Variants in ITPR1 observed in about 807,000 individuals in gnomAD.
ITPR1 encodes the protein inositol 1,4,5-trisphosphate receptor type 1, also known as inositol 1,4,5-trisphosphate-gated calcium channel ITPR1.
Under a neutral mutation model 318.4 loss-of-function variants are expected in ITPR1, and 96 were observed. The ratio of observed to expected loss-of-function variants is 0.30; its 90% CI spans 0.26 to 0.36. The LOEUF (loss-of-function observed/expected upper bound fraction) is 0.36, where lower values mean the gene tolerates loss of function less well. ITPR1 is among the 10% of genes least tolerant of loss of function. The pLI is 1.00. For synonymous variants in ITPR1, 1,312 were observed against 1,289.9 expected, an observed-to-expected ratio of 1.02 and a Z score of -0.37; for missense variants, 2,440 against 3,460.2, an observed-to-expected ratio of 0.71 and a Z score of 7.40.
intron 7 of ITPR1, among the ~76,000 whole-genome samples, chr3:4,643,598 T>TGGG (rs36053326): frequency 6.7e-6 from 1 of 149,660 alleles, no homozygotes; most frequent in African/African-American, 2.5e-5. Context: ...ATTGTTTTTT[T>TGGG]GGGGGGGGGG....
chr3:4,586,237 C>T (rs916987892), intron 4 of ITPR1, among the ~76,000 whole-genome samples: 11 of 152,140 alleles, frequency 7.2e-5, no homozygotes, highest in African/African-American at 2.7e-4. Context: ...TACATGGTAA[C>T]ATGCACTTTT....
chr3:4,811,226 A>G (rs1242122726), intron 55 of ITPR1, 39 bp from the exon 56 acceptor site: 1 of 1,442,400 alleles, frequency 6.9e-7, no homozygotes, highest in Non-Finnish European at 9.3e-7. Flanking sequence ...TACATCTAAC[A>G]TCAAGGCTTC....
intron 20 of ITPR1, among the ~76,000 whole-genome samples, chr3:4,672,464 G>A (rs1431690127): frequency 6.6e-6 from 1 of 152,194 alleles, no homozygotes; most frequent in African/African-American, 2.4e-5. Flanking sequence ...TATTTTGAAA[G>A]CCTGTGGCTT....
At chr3:4,505,635 C>G (rs975844374) in intron 2 of ITPR1, among the ~76,000 whole-genome samples, 1 of 152,192 alleles carries the variant, frequency 6.6e-6, no homozygotes, top group Non-Finnish European at 1.5e-5. Flanking sequence ...GGCTGATGGA[C>G]TTGTTGTTGG....
At chr3:4,564,602 G>A (rs1417233598) in intron 4 of ITPR1, among the ~76,000 whole-genome samples, 1 of 152,170 alleles carries the variant, frequency 6.6e-6, no homozygotes, top group Admixed American at 6.5e-5. Flanking sequence ...AGGTGATTGG[G>A]ATTAGTGCCC....
At chr3:4,650,535 C>T (rs1272785395) in intron 10 of ITPR1, among the ~76,000 whole-genome samples, 1 of 151,924 alleles carries the variant, frequency 6.6e-6, no homozygotes, top group South Asian at 2.1e-4. Context: ...GCATCCTACC[C>T]CAACCTCAGC....
chr3:4,501,413 T>G (rs1401352923), intron 2 of ITPR1, among the ~76,000 whole-genome samples: 1 of 152,220 alleles, frequency 6.6e-6, no homozygotes, highest in Non-Finnish European at 1.5e-5. Context: ...GGGAACTTGC[T>G]AGCAATTGCA....
intron 44 of ITPR1, among the ~76,000 whole-genome samples, chr3:4,752,997 G>A (rs2044659790): frequency 6.6e-6 from 1 of 152,184 alleles, no homozygotes; most frequent in African/African-American, 2.4e-5. Context: ...AAGCAAACAG[G>A]CGCCACGAAG....
intron 60 of ITPR1, chr3:4,825,712 T>A: frequency 4.4e-6 from 2 of 456,568 alleles, no homozygotes; most frequent in Non-Finnish European, 8.8e-6. Context: ...TGTCACTACC[T>A]TCTGTTTAAA....
chr3:4,733,008 AC>A (rs2043032577), intron 42 of ITPR1, 79 bp from the exon 43 acceptor site: 1 of 1,395,822 alleles, frequency 7.2e-7, no homozygotes, highest in Non-Finnish European at 1.0e-6. Context: ...ATAACTGAGT[AC>A]CCCTGTGTGT....
At chr3:4,767,328 G>A (rs1459199113) in intron 45 of ITPR1, among the ~76,000 whole-genome samples, 2 of 152,240 alleles carry the variant, frequency 1.3e-5, no homozygotes, top group Non-Finnish European at 2.9e-5. Flanking sequence ...TCTCTACCCA[G>A]TAGATGCCAG....
chr3:4,841,771 T>G (rs768026205), intron 61 of ITPR1, among the ~76,000 whole-genome samples: 2 of 151,872 alleles, frequency 1.3e-5, no homozygotes, highest in Non-Finnish European at 2.9e-5. Context: ...TGAGTAAGAG[T>G]TGGCCAGGTG....
At chr3:4,668,933 C>G (rs1158204685) in intron 18 of ITPR1, among the ~76,000 whole-genome samples, 1 of 152,316 alleles carries the variant, frequency 6.6e-6, no homozygotes, top group South Asian at 2.1e-4. Flanking sequence ...TTCGTACACC[C>G]TCTCCCCATT....
At chr3:4,522,700 A>G (rs2082659248) in intron 4 of ITPR1, among the ~76,000 whole-genome samples, 1 of 152,258 alleles carries the variant, frequency 6.6e-6, no homozygotes, top group South Asian at 2.1e-4. Context: ...AACGATCATA[A>G]TTCAGTCACT....
chr3:4,517,004 C>T (rs537527898), intron 3 of ITPR1, among the ~76,000 whole-genome samples: 5 of 152,276 alleles, frequency 3.3e-5, no homozygotes, highest in African/African-American at 1.2e-4. Context: ...AAGACCAAAC[C>T]TCCTGGGCTG....
In ITPR1 at chr3:4,727,210, G is replaced by T. The variant is rs370584438; in HGVS notation, c.5220+37G>T. On this transcript the variant is annotated intron_variant, in intron 42 of 61. Coordinates refer to ENST00000649015, the MANE Select transcript of ITPR1 (RefSeq NM_001378452.1). ...TGAGTCTTGGGTATCGGGAGCTAAT[G>T]ATCAATGACCGTAACACCTCCATCA... is the stretch of plus-strand genomic sequence containing the variant. 13 of 1,506,224 alleles carry T rather than the reference G, an allele frequency of 8.6e-6. No homozygotes were observed. In the African/African-American group the frequency reaches 1.7e-4, roughly 19 times the overall value. The allele number at this position is 1,506,224 out of a possible 1,614,324, so 93.3% of individuals were successfully genotyped here. A position where few individuals can be genotyped will look rare whatever the true frequency, so the allele number is the denominator to read the frequency against.
Position 4,777,339 on chromosome 3 carries a change from G to A in ITPR1, c.6256G>A (p.Gly2086Arg). ...GATCCTCAATGATATCAATCCTTTG[G>A]GAAAGAAGAGGATGGACCTTGTGTT... ...ALILNDINPL[G>R]KKRMDLVLEL... The change falls in exon 48 of 62, where the codon GGA becomes AGA. Residue 2086 changes from glycine (G) to arginine (R), a missense_variant. By Grantham distance (125) the Gly-to-Arg change is moderately radical. Around this residue, in one of 23 missense-constraint regions of ITPR1, gnomAD observed 76 missense variants for 162.1 expected, o/e 0.47. Coordinates refer to ENST00000649015, the MANE Select transcript of ITPR1 (RefSeq NM_001378452.1). 1.2e-6 allele frequency: 2 copies of A among 1,604,084 alleles called. No homozygotes were observed. Among genetic ancestry groups the A allele is most frequent in the Non-Finnish European group, 1.7e-6 (2 of 1,174,688 alleles).
chr3:4,626,776 C>G (rs1559564435), intron 4 of ITPR1, among the ~76,000 whole-genome samples: 3 of 152,156 alleles, frequency 2.0e-5, no homozygotes, highest in Non-Finnish European at 2.9e-5. Flanking sequence ...ACACAGTACT[C>G]AAGAGACCAC....
intron 44 of ITPR1, among the ~76,000 whole-genome samples, chr3:4,764,946 CTGGATGGATGGA>C (rs61395050): frequency 0.036 from 5,380 of 147,664 alleles, 360 homozygotes; most frequent in African/African-American, 0.12. Flanking sequence ...TAGTGGGTGG[CTGGATGGATGGA>C]TGGATGGATG....
Sources: gnomAD v4.1 joint callset for allele counts (sites outside exome capture counted in the v4.1 genomes callset) on GRCh38, gnomAD v4.1.1 for gene constraint, gnomAD v4.1.1 regional missense constraint, MANE v1.5 for transcripts, NCBI Gene and HGNC (gene_info 2026-07-23, HGNC 2026-07-21) for gene names.